ABHD12: variants seen among roughly 807,000 people sequenced by gnomAD.
The protein encoded by ABHD12 is abhydrolase domain containing 12, lysophospholipase, also known as lysophosphatidylserine lipase ABHD12.
ABHD12 carries 43 observed loss-of-function variants against 58.3 expected under a neutral mutation model. The observed-to-expected ratio is 0.74, with a 90% CI of 0.58 to 0.95. The LOEUF is 0.95. Among genes scored for constraint, ABHD12 ranks in the 40% least tolerant of loss-of-function variants. ABHD12 has a pLI of 0.00. For synonymous variants in ABHD12, 219 were observed against 211.2 expected (o/e 1.04, Z -0.32); for missense variants, 539 against 537.2 (o/e 1.00, Z -0.03).
At chr20:25,313,979 CT>C (rs570904708) in intron 6 of ABHD12, among the ~76,000 whole-genome samples, 93 of 147,618 alleles carry the variant, frequency 6.3e-4, no homozygotes, top group Admixed American at 2.9e-3. Context: ...CTTAACAGTT[CT>C]TTTTTTTTTT....
At position 25,309,477 on chromosome 20, in the gene ABHD12, C is replaced by G; in HGVS notation, c.718G>C (p.Val240Leu). Residue 240 changes from valine to leucine, a missense_variant, in exon 7 of 13, where the codon GTG (valine) becomes CTG (leucine). Transcript: ENST00000339157. ...CCCAGAGAGTGGCCCCAGATGTACA[C>G]GGGGTTGTCACCACTTCTTGCTTTG... ...WIKARSGDNP[V>L]YIWGHSLGTG... The G allele has an allele frequency of 6.2e-7, 1 of 1,614,172 alleles. No homozygotes were observed. The highest frequency in any genetic ancestry group is 8.5e-7 in the Non-Finnish European group (1 of 1,180,002).
At chr20:25,382,302 CACTG>C (rs1312190491) in intron 1 of ABHD12, among the ~76,000 whole-genome samples, 1 of 151,986 alleles carries the variant, frequency 6.6e-6, no homozygotes, top group Non-Finnish European at 1.5e-5. Context: ...GGCCCCTGTT[CACTG>C]ACTGACACTC....
At position 25,333,975 on chromosome 20, in the gene ABHD12, A is replaced by G. The variant is rs138446971; in HGVS notation, c.316+5252T>C. Among the ~76,000 whole-genome samples, 916 of 152,326 alleles carry G rather than the reference A, an allele frequency of 6.0e-3. 9 individuals are homozygous for G. The highest frequency in any genetic ancestry group is 0.021 in the African/African-American group (879 of 41,564). On this transcript the variant is annotated intron_variant, in intron 2 of 12. Coordinates refer to ENST00000339157, the MANE Select transcript of ABHD12 (RefSeq NM_001042472.3). Reference sequence around the variant, plus strand: ...CTGGCCGGGGCAATTAGGCAGGAGAAGGAAATAAAGGGTATTCAATTAGGA... The same window carrying G: ...CTGGCCGGGGCAATTAGGCAGGAGAGGGAAATAAAGGGTATTCAATTAGGA...
chr20:25,329,773 G>C (rs2146000171), intron 2 of ABHD12, among the ~76,000 whole-genome samples: 1 of 152,294 alleles, frequency 6.6e-6, no homozygotes, highest in African/African-American at 2.4e-5. Context: ...GGGAAAGCCT[G>C]GGTTGGTTAT....
rs1315356707 is a variant in ABHD12 at position 25,323,332 on chromosome 20, C to T, written c.415G>A (p.Gly139Arg). 2.5e-6 allele frequency: 4 copies of T among 1,612,584 alleles called. No individual in the cohort carries two copies. The East Asian group carries it at 8.9e-5, about 36-fold the overall frequency. The part of the protein sequence containing the change: ...YLQPEEDVTI[G>R]VWHTVPAVWW... Reference sequence around the variant, plus strand: ...GAGCTCACTGGCACTCACCAGACTCCAATGGTCACGTCTTCCTCTGGCTGC... The same window carrying T: ...GAGCTCACTGGCACTCACCAGACTCTAATGGTCACGTCTTCCTCTGGCTGC... Residue 139 changes from glycine to arginine, a missense_variant, in exon 3 of 13, where the codon GGA becomes AGA. Coordinates refer to ENST00000339157, the MANE Select transcript of ABHD12 (RefSeq NM_001042472.3).
In ABHD12 at chr20:25,379,422, A is replaced by C. The variant is rs796347231; in HGVS notation, c.191+11091T>G. On this transcript the variant is annotated intron_variant, in intron 1 of 12. Transcript: ENST00000339157. ...TCCTAAGGACAGCACAAGCACTCAG[A>C]AGAGAACTGGCAGATTCCTTCACCC... 4.8e-4 allele frequency among the ~76,000 whole-genome samples: 73 copies of C among 152,304 alleles called. 1 individual carries two copies. The highest frequency in any genetic ancestry group is 1.7e-3 in the African/African-American group (69 of 41,564).
In ABHD12 at chr20:25,302,238, C is replaced by A. The variant is rs147060658; in HGVS notation, c.1138G>T (p.Glu380Ter). ...TCTCACCTCAGTATCCGTGGCAGCTCAGGGCTCTTGTAAATGTATTTGTGC... is the reference window on the plus strand; with the variant it reads ...TCTCACCTCAGTATCCGTGGCAGCTAAGGGCTCTTGTAAATGTATTTGTGC... ...YRHKYIYKSP[E>*]LPRILREFLG... Residue 380 changes from glutamate to a stop codon, truncating the protein, a stop_gained, in exon 12 of 13, where the codon GAG (glutamate) becomes TAG (stop). Coordinates refer to ENST00000339157, the MANE Select transcript of ABHD12 (RefSeq NM_001042472.3). LOFTEE classifies it high-confidence loss of function. 4 of 1,613,530 alleles carry A rather than the reference C, an allele frequency of 2.5e-6. No homozygotes were observed. In the African/African-American group the frequency reaches 5.3e-5, roughly 22 times the overall value.
chr20:25,328,339 G>A (rs1211000141), intron 2 of ABHD12, among the ~76,000 whole-genome samples: 1 of 152,146 alleles, frequency 6.6e-6, no homozygotes, highest in Non-Finnish European at 1.5e-5. Flanking sequence ...TCTATAATCT[G>A]ACAGCTGGGA....
chr20:25,307,063 G>T (rs2088757704), intron 9 of ABHD12, 148 bp from the exon 10 acceptor site: 1 of 680,802 alleles, frequency 1.5e-6, no homozygotes, highest in Non-Finnish European at 2.7e-6. Flanking sequence ...TTGCCAAGGG[G>T]CCACCAGAGC....
intron 1 of ABHD12, among the ~76,000 whole-genome samples, chr20:25,348,321 A>T (rs549948916): frequency 6.6e-6 from 1 of 152,230 alleles, no homozygotes; most frequent in South Asian, 2.1e-4. Context: ...GAGAATATGA[A>T]TATACAAAAT....
chr20:25,348,829 T>C (rs1162462827), intron 1 of ABHD12, among the ~76,000 whole-genome samples: 2 of 152,038 alleles, frequency 1.3e-5, no homozygotes, highest in Non-Finnish European at 2.9e-5. Flanking sequence ...ACGTCTGTAA[T>C]CCCAGCACTT....
chr20:25,373,984 G>A (rs983669249), intron 1 of ABHD12, among the ~76,000 whole-genome samples: 2 of 152,080 alleles, frequency 1.3e-5, no homozygotes, highest in African/African-American at 4.8e-5. Flanking sequence ...GAGTGTAGTG[G>A]CTTGATCATG....
rs1040127608 is a variant in ABHD12, at chr20:25,390,623, G to C, written c.81C>G (p.Ala27=). ...AAGSSSSGSA[A]AALDADCRLK... ...GGCGGCAGTCGGCGTCCAGCGCCGC[G>C]GCGGCCGAGCCGGAGGAGGACGAGC... is the stretch of plus-strand genomic sequence containing the variant. The change falls in exon 1 of 13, where the codon GCC becomes GCG. Residue 27 remains alanine (A), a synonymous_variant. Coordinates refer to ENST00000339157, the MANE Select transcript of ABHD12 (RefSeq NM_001042472.3). The C allele has an allele frequency of 1.4e-6, 2 of 1,460,666 alleles. No individual in the cohort carries two copies. The highest frequency in any genetic ancestry group is 1.8e-6 in the Non-Finnish European group (2 of 1,111,794). 90.5% of individuals were successfully genotyped at this position (1,460,666 alleles called of 1,614,324 possible).
chr20:25,384,200 A>G (rs1267112766), intron 1 of ABHD12, among the ~76,000 whole-genome samples: 1 of 151,576 alleles, frequency 6.6e-6, no homozygotes, highest in Non-Finnish European at 1.5e-5. Context: ...CTCACACCAG[A>G]TACCATGCAA....
chr20:25,367,095 T>C (rs1344298868), intron 1 of ABHD12, among the ~76,000 whole-genome samples: 1 of 152,226 alleles, frequency 6.6e-6, no homozygotes, highest in Non-Finnish European at 1.5e-5. Context: ...ATGAATAATC[T>C]GAGGAATGTT....
rs1484766035 is a variant in ABHD12 at position 25,295,026 on chromosome 20, G to A, written c.1162C>T (p.Gln388Ter). 1.5e-5 allele frequency: 25 copies of A among 1,614,108 alleles called. No homozygotes were observed. The highest frequency in any genetic ancestry group is 5.0e-5 in the Admixed American group (3 of 60,014). Residue 388 changes from glutamine (Q) to a stop codon, truncating the protein, a stop_gained, in exon 13 of 13, where the codon CAG becomes TAG. Coordinates refer to the ABHD12 transcript ENST00000376542. LOFTEE classifies it low-confidence loss of function (END_TRUNC). ...TCTGGGCTGGAACCTGGGCCCTGCTGAGGTCTGTGATAAAGGAAGTGCTTT... is the reference window on the plus strand; with the variant it reads ...TCTGGGCTGGAACCTGGGCCCTGCTAAGGTCTGTGATAAAGGAAGTGCTTT...
chr20:25,320,347 GAT>G, intron 3 of ABHD12, 29 bp from the exon 4 acceptor site: 1 of 1,611,372 alleles, frequency 6.2e-7, no homozygotes, highest in Non-Finnish European at 8.5e-7. Context: ...GGGAGCGCAG[GAT>G]CAGATGTCCC....
chr20:25,324,640 T>C (rs993245111), intron 2 of ABHD12, among the ~76,000 whole-genome samples: 4 of 152,008 alleles, frequency 2.6e-5, no homozygotes, highest in African/African-American at 4.8e-5. Flanking sequence ...ATGTGGCACA[T>C]TGCACATCTA....
chr20:25,345,244 T>C (rs2089503335), intron 1 of ABHD12, among the ~76,000 whole-genome samples: 1 of 152,092 alleles, frequency 6.6e-6, no homozygotes, highest in African/African-American at 2.4e-5. Flanking sequence ...CGCCACCACA[T>C]CCAGCTGATT....
Sources: allele counts gnomAD v4.1 joint callset (sites outside exome capture counted in the v4.1 genomes callset), GRCh38; gene constraint gnomAD v4.1.1; transcripts MANE v1.5; gene names NCBI Gene and HGNC (gene_info 2026-07-23, HGNC 2026-07-21).